Variants in SLC27A6 observed in about 807,000 individuals in gnomAD.
The protein encoded by SLC27A6 is long-chain fatty acid transport protein 6.
Under a neutral mutation model 63.9 loss-of-function variants are expected in SLC27A6, and 74 were observed. That is an observed-to-expected ratio of 1.16 (90% CI 0.96 to 1.40). SLC27A6 has a LOEUF of 1.40. Among genes scored for constraint, SLC27A6 ranks in the 40% most tolerant of loss-of-function variants. SLC27A6 has a pLI of 0.00. For synonymous variants in SLC27A6, 287 were observed against 260.8 expected, an observed-to-expected ratio of 1.10 and a Z score of -0.97; for missense variants, 794 against 732.9, an observed-to-expected ratio of 1.08 and a Z score of -0.96.
chr5:129,014,071 G>A (rs1159075096), intron 4 of SLC27A6, among the ~76,000 whole-genome samples: 1 of 152,054 alleles, frequency 6.6e-6, no homozygotes, highest in Non-Finnish European at 1.5e-5. Context: ...TCCTGCTCTG[G>A]TATATGATTT....
intron 4 of SLC27A6, among the ~76,000 whole-genome samples, chr5:128,996,816 G>C (rs943066716): frequency 1.3e-5 from 2 of 152,054 alleles, no homozygotes; most frequent in Non-Finnish European, 1.5e-5. Flanking sequence ...TTCCAATAAG[G>C]AGAGATCGAA....
intron 5 of SLC27A6, 79 bp from the exon 6 acceptor site, chr5:129,023,541 A>G (rs1048383509): frequency 9.6e-6 from 9 of 940,926 alleles, no homozygotes; most frequent in African/African-American, 6.6e-5. Context: ...ACTACAGTAG[A>G]CTAAATTGCT....
chr5:129,024,443 T>A (rs554027948), intron 6 of SLC27A6, among the ~76,000 whole-genome samples: 1 of 152,272 alleles, frequency 6.6e-6, no homozygotes, highest in South Asian at 2.1e-4. Context: ...TAAGTCTTAT[T>A]TTCTTCATAT....
chr5:128,972,555 A>T (rs116455179), intron 1 of SLC27A6, among the ~76,000 whole-genome samples: 2 of 152,086 alleles, frequency 1.3e-5, no homozygotes, highest in Admixed American at 1.3e-4. Context: ...CACTTAATCA[A>T]ATTGGCTACT....
chr5:129,015,900 G>T lies in SLC27A6; in HGVS notation c.985G>T (p.Asp329Tyr), dbSNP rs370892487. The T allele has an allele frequency of 1.3e-5, 20 of 1,592,174 alleles. No individual in the cohort carries two copies. The African/African-American group carries it at 2.6e-4, about 21-fold the overall frequency. ...CKQSKREGEK[D>Y]HKVRLAIGNG... ...CTTCTAACAGAGAGAAGGAGAAAAG[G>T]ATCATAAGGTGCGTTTGGCAATTGG... The change falls in exon 5 of 10, where the codon GAT becomes TAT. Residue 329 changes from aspartate to tyrosine, a missense_variant. Physicochemically the swap from Asp to Tyr is radical, Grantham distance 160. Transcript: ENST00000262462.
In SLC27A6 at chr5:128,966,189, T is replaced by G. The variant is rs1321753903; in HGVS notation, c.52T>G (p.Phe18Val). ...AGGGGCTGGAATGGTCGTCCTGCACTTCTTGCAGAAACTCCTGTTCCCTTA... is the reference window on the plus strand; with the variant it reads ...AGGGGCTGGAATGGTCGTCCTGCACGTCTTGCAGAAACTCCTGTTCCCTTA... The part of the protein sequence containing the change: ...VLGAGMVVLH[F>V]LQKLLFPYFW... Residue 18 changes from phenylalanine to valine, a missense_variant, in exon 1 of 10, where the codon TTC becomes GTC. By Grantham distance (50) the Phe-to-Val change is conservative. Transcript: ENST00000262462. 1.3e-6 allele frequency: 2 copies of G among 1,593,284 alleles called. No homozygotes were observed. The highest frequency in any genetic ancestry group is 8.5e-7 in the Non-Finnish European group (1 of 1,170,782).
intron 4 of SLC27A6, 22 bp from the exon 5 acceptor site, chr5:129,015,863 G>T: frequency 6.5e-7 from 1 of 1,529,378 alleles, no homozygotes; most frequent in Non-Finnish European, 8.8e-7. Flanking sequence ...CTAATTACAA[G>T]TAAAACATTT....
At chr5:129,007,674 A>C (rs1181973) in intron 4 of SLC27A6, among the ~76,000 whole-genome samples, 39,042 of 151,930 alleles carry the variant, frequency 0.26, 5,937 homozygotes, top group Middle Eastern at 0.35. Flanking sequence ...TTGAAGAGGT[A>C]TCCATCTCCC....
intron 1 of SLC27A6, among the ~76,000 whole-genome samples, chr5:128,979,674 G>A (rs1159986841): frequency 2.0e-5 from 3 of 152,050 alleles, no homozygotes; most frequent in African/African-American, 2.4e-5. Context: ...ATCAAATGAA[G>A]TGTTCGACTT....
intron 5 of SLC27A6, among the ~76,000 whole-genome samples, chr5:129,016,852 A>G (rs963501488): frequency 6.6e-6 from 1 of 152,174 alleles, no homozygotes; most frequent in Non-Finnish European, 1.5e-5. Flanking sequence ...AGCCAAATAA[A>G]CCAACTTTTT....
chr5:129,027,167 A>G lies in SLC27A6; in HGVS notation c.1290A>G (p.Ala430=), dbSNP rs1752271213. The part of the protein sequence containing the change: ...EPGLLISRVN[A]KNPFFGYAGP... Reference sequence around the variant, plus strand: ...GACTTCTCATTTCTCGAGTGAATGCAAAAAATCCCTTCTTTGGCTATGCTG... The same window carrying G: ...GACTTCTCATTTCTCGAGTGAATGCGAAAAATCCCTTCTTTGGCTATGCTG... Residue 430 remains alanine, a synonymous_variant, in exon 7 of 10, where the codon GCA becomes GCG. Coordinates refer to ENST00000262462, the MANE Select transcript of SLC27A6 (RefSeq NM_001017372.3). 1 of 1,613,394 alleles carries G rather than the reference A, an allele frequency of 6.2e-7. No homozygotes were observed. Among genetic ancestry groups the G allele is most frequent in the Non-Finnish European group, 8.5e-7 (1 of 1,179,490 alleles).
chr5:128,967,638 C>A (rs1273907713), intron 1 of SLC27A6, among the ~76,000 whole-genome samples: 3 of 152,096 alleles, frequency 2.0e-5, no homozygotes, highest in Non-Finnish European at 4.4e-5. Context: ...GTATATCAAA[C>A]CAAAGTGAGT....
chr5:128,966,734 G>T, intron 1 of SLC27A6, 116 bp downstream of exon 1: 14 of 1,046,514 alleles, frequency 1.3e-5, no homozygotes, highest in Non-Finnish European at 1.8e-5. Flanking sequence ...AAGTGTGCAT[G>T]TTAAGAGTAC....
chr5:129,013,378 C>T (rs1476534023), intron 4 of SLC27A6, among the ~76,000 whole-genome samples: 1 of 152,006 alleles, frequency 6.6e-6, no homozygotes, highest in Non-Finnish European at 1.5e-5. Flanking sequence ...TGTGTGAAAA[C>T]ATGTTTTTCC....
chr5:128,994,058 C>T (rs1356710374), intron 4 of SLC27A6, among the ~76,000 whole-genome samples: 4 of 152,082 alleles, frequency 2.6e-5, no homozygotes, highest in African/African-American at 7.2e-5. Context: ...ATCCCAGCTA[C>T]TCGGGAGGCT....
At chr5:129,003,193 C>G (rs1751401617) in intron 4 of SLC27A6, among the ~76,000 whole-genome samples, 1 of 152,202 alleles carries the variant, frequency 6.6e-6, no homozygotes, top group Non-Finnish European at 1.5e-5. Context: ...GCATTTTTCT[C>G]TCTTACAGTG....
intron 2 of SLC27A6, among the ~76,000 whole-genome samples, chr5:128,987,158 A>G (rs1226022750): frequency 6.6e-6 from 1 of 152,152 alleles, no homozygotes; most frequent in Non-Finnish European, 1.5e-5. Context: ...GTATATAGAT[A>G]GATATACATA....
chr5:128,993,551 T>C (rs1034054686), intron 4 of SLC27A6, among the ~76,000 whole-genome samples: 1 of 152,208 alleles, frequency 6.6e-6, no homozygotes, highest in African/African-American at 2.4e-5. Context: ...CTCTTTTGTG[T>C]CTTGTACTCA....
chr5:128,990,204 A>G, intron 3 of SLC27A6, 136 bp from the exon 4 acceptor site: 3 of 793,370 alleles, frequency 3.8e-6, no homozygotes, highest in Non-Finnish European at 5.9e-6. Flanking sequence ...TGAGTTTGAT[A>G]TAAATTATTG....
Sources: allele counts gnomAD v4.1 joint callset (sites outside exome capture counted in the v4.1 genomes callset), GRCh38; gene constraint gnomAD v4.1.1; transcripts MANE v1.5; gene names NCBI Gene and HGNC (gene_info 2026-07-23, HGNC 2026-07-21).